Variants in GPR176 observed in about 807,000 individuals in gnomAD.
GPR176 encodes G protein-coupled receptor 176, also known as G-protein coupled receptor 176.
A neutral mutation model predicts 35.4 loss-of-function variants in GPR176; 26 were observed. The observed-to-expected ratio is 0.74, with a 90% confidence interval of 0.54 to 1.02. The LOEUF (loss-of-function observed/expected upper bound fraction) is 1.02, where lower values mean the gene tolerates loss of function less well. GPR176 is among the 50% of genes least tolerant of loss of function. The pLI, the probability that GPR176 is intolerant of heterozygous loss-of-function variation, is 0.00. For synonymous variants in GPR176, 278 were observed against 271.3 expected (o/e 1.02, Z -0.24); for missense variants, 597 against 665.3 (o/e 0.90, Z 1.13).
chr15:39,876,826 G>C (rs1254825239), intron 1 of GPR176, among the ~76,000 whole-genome samples: 1 of 151,944 alleles, frequency 6.6e-6, no homozygotes, highest in African/African-American at 2.4e-5. Context: ...CAAAAAGAGA[G>C]AGAGAGAGAG....
intron 1 of GPR176, among the ~76,000 whole-genome samples, chr15:39,840,681 G>T (rs962514420): frequency 5.3e-5 from 8 of 152,084 alleles, no homozygotes; most frequent in Non-Finnish European, 1.5e-5. Flanking sequence ...CATTGTCAAT[G>T]TAAGAACCAA....
At chr15:39,893,391 C>A (rs2032947886) in intron 1 of GPR176, among the ~76,000 whole-genome samples, 1 of 151,988 alleles carries the variant, frequency 6.6e-6, no homozygotes, top group African/African-American at 2.4e-5. Context: ...GTGGACACAG[C>A]ACATGTTTCA....
rs147429411 is a variant in GPR176 at position 39,816,249 on chromosome 15, T to C, written c.173-8991A>G. Among the ~76,000 whole-genome samples the C allele has an allele frequency of 2.9e-3, 436 of 152,284 alleles. 3 individuals are homozygous for C. The highest frequency in any genetic ancestry group is 1.0e-2 in the African/African-American group (414 of 41,552). On this transcript the variant is annotated intron_variant, in intron 1 of 2. Transcript: ENST00000561100. ...ACTACAGTAAGCAATATATTATATA[T>C]TTACAATTGCTTTAAAATGTAGATT...
chr15:39,801,825 C>T lies in GPR176; in HGVS notation c.855G>A (p.Leu285=). ...FILCSVPYAT[L]VVYQTVLNVP... ...CATTGAGCACAGTCTGGTAGACGAC[C>T]AGGGTGGCATAGGGCACGCTACACA... The change falls in exon 3 of 3, where the codon CTG becomes CTA. Residue 285 remains leucine (L), a synonymous_variant. Coordinates refer to ENST00000561100, the MANE Select transcript of GPR176 (RefSeq NM_007223.3). 2 of 1,613,964 alleles carry T rather than the reference C, an allele frequency of 1.2e-6. No individual in the cohort carries two copies. Among genetic ancestry groups the T allele is most frequent in the African/African-American group, 1.3e-5 (1 of 75,014 alleles).
chr15:39,856,426 G>A (rs2031224435), intron 1 of GPR176, among the ~76,000 whole-genome samples: 1 of 152,222 alleles, frequency 6.6e-6, no homozygotes, highest in Non-Finnish European at 1.5e-5. Context: ...TGATGGGTAA[G>A]TCAGGAATAC....
intron 1 of GPR176, among the ~76,000 whole-genome samples, chr15:39,835,998 G>A (rs1901377124): frequency 6.6e-6 from 1 of 152,192 alleles, no homozygotes; most frequent in Non-Finnish European, 1.5e-5. Context: ...AGGAGGCTGA[G>A]GCACAAGAAT....
At chr15:39,828,682 T>TA (rs1397998287) in intron 1 of GPR176, among the ~76,000 whole-genome samples, 2 of 151,834 alleles carry the variant, frequency 1.3e-5, no homozygotes, top group Admixed American at 1.3e-4. Flanking sequence ...TCCAATAAAA[T>TA]AAAAAAACCT....
At chr15:39,864,300 A>C (rs138164910) in intron 1 of GPR176, among the ~76,000 whole-genome samples, 3 of 152,268 alleles carry the variant, frequency 2.0e-5, no homozygotes, top group African/African-American at 7.2e-5. Context: ...ACCACATCAA[A>C]AGGGCTGTAT....
At chr15:39,860,213 T>C (rs1226736259) in intron 1 of GPR176, among the ~76,000 whole-genome samples, 1 of 152,172 alleles carries the variant, frequency 6.6e-6, no homozygotes, top group Non-Finnish European at 1.5e-5. Flanking sequence ...ATGCAAAGAA[T>C]GTAGACAGAG....
intron 1 of GPR176, among the ~76,000 whole-genome samples, chr15:39,818,986 T>C (rs1477046212): frequency 6.6e-6 from 1 of 152,228 alleles, no homozygotes; most frequent in South Asian, 2.1e-4. Flanking sequence ...TGAAAAGCTA[T>C]AGCAAGAGCC....
intron 1 of GPR176, among the ~76,000 whole-genome samples, chr15:39,859,400 T>C (rs1254277134): frequency 1.4e-5 from 2 of 148,084 alleles, no homozygotes; most frequent in Non-Finnish European, 3.0e-5. Flanking sequence ...AACAAGCACA[T>C]AAAAAGATGT....
At chr15:39,857,971 C>CAAA (rs551565660) in intron 1 of GPR176, among the ~76,000 whole-genome samples, 11 of 77,366 alleles carry the variant, frequency 1.4e-4, no homozygotes, top group African/African-American at 4.5e-4. Flanking sequence ...ACTCCTTCTC[C>CAAA]AAAAAAAAAA....
chr15:39,880,456 A>G (rs2032430788), intron 1 of GPR176, among the ~76,000 whole-genome samples: 1 of 136,652 alleles, frequency 7.3e-6, no homozygotes, highest in African/African-American at 2.8e-5. Flanking sequence ...AGGTGAACTC[A>G]TCTACTCTCA....
chr15:39,811,899 G>C (rs1189781493), intron 1 of GPR176, among the ~76,000 whole-genome samples: 1 of 149,694 alleles, frequency 6.7e-6, no homozygotes, highest in Non-Finnish European at 1.5e-5. Context: ...CTGGGTGACA[G>C]AGCGAGACTC....
At chr15:39,906,875 C>T (rs1291365662) in intron 1 of GPR176, among the ~76,000 whole-genome samples, 5 of 152,250 alleles carry the variant, frequency 3.3e-5, no homozygotes, top group African/African-American at 1.2e-4. Flanking sequence ...TGAGCACAAA[C>T]TATGCACCAG....
At chr15:39,870,934 G>A (rs1354333269) in intron 1 of GPR176, among the ~76,000 whole-genome samples, 1 of 152,008 alleles carries the variant, frequency 6.6e-6, no homozygotes, top group African/African-American at 2.4e-5. Context: ...CTTGGAAGAG[G>A]ACCTCAGCTA....
chr15:39,867,395 G>A (rs544528978), intron 1 of GPR176, among the ~76,000 whole-genome samples: 106 of 152,326 alleles, frequency 7.0e-4, no homozygotes, highest in African/African-American at 2.5e-3. Flanking sequence ...GTTAGGCAGA[G>A]AAGGATGGGA....
At chr15:39,854,138 C>G (rs1037812757) in intron 1 of GPR176, among the ~76,000 whole-genome samples, 1 of 152,076 alleles carries the variant, frequency 6.6e-6, no homozygotes, top group African/African-American at 2.4e-5. Context: ...CTAACCCAAT[C>G]TCAGAGCACT....
Position 39,801,071 on chromosome 15 carries a change from T to C in GPR176, c.*61A>G. The C allele has an allele frequency of 7.0e-7, 1 of 1,418,996 alleles. No individual in the cohort carries two copies. The highest frequency in any genetic ancestry group is 9.6e-7 in the Non-Finnish European group (1 of 1,036,560). 87.9% of individuals were successfully genotyped at this position (1,418,996 alleles called of 1,614,324 possible). ...ATCATACAATCACATGGCCACAGCA[T>C]TCCCACACTCTGGTGGGAATATGGA... On this transcript the variant is annotated 3_prime_UTR_variant, in exon 3 of 3. Coordinates refer to ENST00000561100, the MANE Select transcript of GPR176 (RefSeq NM_007223.3).
Sources: gnomAD v4.1 joint callset for allele counts (sites outside exome capture counted in the v4.1 genomes callset) on GRCh38, gnomAD v4.1.1 for gene constraint, MANE v1.5 for transcripts, NCBI Gene and HGNC (gene_info 2026-07-23, HGNC 2026-07-21) for gene names.